The following PPA2 variants were observed in gnomAD, a reference collection of about 807,000 sequenced individuals.
The protein encoded by PPA2 is inorganic pyrophosphatase 2, mitochondrial.
Under a neutral mutation model 49.5 loss-of-function variants are expected in PPA2, and 48 were observed. The observed-to-expected ratio is 0.97, with a 90% CI of 0.77 to 1.23. The LOEUF is 1.23. Among genes scored for constraint, PPA2 ranks in the 50% most tolerant of loss-of-function variants. The pLI is 0.00. For missense variants in PPA2, 429 were observed against 410.1 expected (o/e 1.05, Z -0.40); for synonymous variants, 131 against 139.9 (o/e 0.94, Z 0.45).
intron 7 of PPA2, among the ~76,000 whole-genome samples, chr4:105,402,158 G>A (rs1429639532): frequency 6.6e-6 from 1 of 152,058 alleles, no homozygotes; most frequent in African/African-American, 2.4e-5. Flanking sequence ...CCTAATCCCA[G>A]CTACTTGGGA....
chr4:105,443,664 C>G (rs1213163303), intron 5 of PPA2, among the ~76,000 whole-genome samples: 1 of 151,684 alleles, frequency 6.6e-6, no homozygotes, highest in Non-Finnish European at 1.5e-5. Context: ...TTCTCTCTCT[C>G]TCTCCAAGAT....
At chr4:105,405,652 C>CA in intron 7 of PPA2, 1 of 1,012,832 alleles carries the variant, frequency 9.9e-7, no homozygotes, top group Non-Finnish European at 1.2e-6. Flanking sequence ...TCGGAAAAAA[C>CA]AGAGACCTTT....
At chr4:105,369,840 TAGGA>T in intron 11 of PPA2, 87 bp from the exon 12 acceptor site, 2 of 1,267,134 alleles carry the variant, frequency 1.6e-6, no homozygotes, top group Admixed American at 3.4e-5. Flanking sequence ...TTTCGACTTT[TAGGA>T]AGTATTTAGG....
intron 7 of PPA2, among the ~76,000 whole-genome samples, chr4:105,401,156 CATAG>C (rs1734348728): frequency 6.6e-6 from 1 of 152,028 alleles, no homozygotes; most frequent in Non-Finnish European, 1.5e-5. Context: ...GAAAAGCATA[CATAG>C]ATATATATAA....
At chr4:105,409,794 C>G (rs1187131991) in intron 7 of PPA2, among the ~76,000 whole-genome samples, 3 of 152,202 alleles carry the variant, frequency 2.0e-5, no homozygotes, top group Non-Finnish European at 4.4e-5. Context: ...GGGCCTCCAG[C>G]AAATTCCAAC....
intron 7 of PPA2, among the ~76,000 whole-genome samples, chr4:105,420,813 T>C (rs906624373): frequency 6.6e-6 from 1 of 152,232 alleles, no homozygotes; most frequent in African/African-American, 2.4e-5. Flanking sequence ...CCGCAGGTGA[T>C]AGCTATGCAG....
intron 6 of PPA2, among the ~76,000 whole-genome samples, chr4:105,426,969 C>T (rs989023617): frequency 1.3e-5 from 2 of 152,214 alleles, no homozygotes; most frequent in Non-Finnish European, 2.9e-5. Flanking sequence ...ACAGACACCT[C>T]ATATAGATAG....
chr4:105,380,455 A>AT (rs1463073764), intron 10 of PPA2, among the ~76,000 whole-genome samples: 1 of 152,090 alleles, frequency 6.6e-6, no homozygotes, highest in African/African-American at 2.4e-5. Flanking sequence ...GGCTTCATTA[A>AT]TTTTTTTAAA....
At chr4:105,447,380 G>A (rs1042260218) in intron 4 of PPA2, among the ~76,000 whole-genome samples, 3 of 152,106 alleles carry the variant, frequency 2.0e-5, no homozygotes, top group Non-Finnish European at 4.4e-5. Flanking sequence ...AGTTACAGAG[G>A]CTAAGGGTAG....
intron 2 of PPA2, chr4:105,456,358 A>T (rs1259613495): frequency 6.9e-6 from 3 of 431,906 alleles, no homozygotes; most frequent in African/African-American, 2.1e-5. Context: ...GCTAGCAAAT[A>T]AAAAATAATC....
intron 6 of PPA2, among the ~76,000 whole-genome samples, chr4:105,433,964 G>C (rs772311425): frequency 6.6e-6 from 1 of 152,182 alleles, no homozygotes. Context: ...AGAGAAGGGC[G>C]TTTAGCTGTG....
At chr4:105,421,662 A>G (rs1723259400) in intron 7 of PPA2, among the ~76,000 whole-genome samples, 2 of 152,204 alleles carry the variant, frequency 1.3e-5, no homozygotes, top group Non-Finnish European at 2.9e-5. Flanking sequence ...TCTGTAAAGT[A>G]AAGAAGAAAA....
At chr4:105,460,389 C>T (rs971241320) in intron 1 of PPA2, among the ~76,000 whole-genome samples, 7 of 151,474 alleles carry the variant, frequency 4.6e-5, no homozygotes, top group African/African-American at 1.2e-4. Context: ...GTAAATACTA[C>T]GCCATTTTAC....
At chr4:105,383,506 T>C (rs1334683984) in intron 10 of PPA2, among the ~76,000 whole-genome samples, 2 of 152,202 alleles carry the variant, frequency 1.3e-5, no homozygotes, top group African/African-American at 4.8e-5. Context: ...ACCCAGCATA[T>C]ACTTCCTCCA....
chr4:105,420,471 A>G (rs2713826), intron 7 of PPA2, among the ~76,000 whole-genome samples: 16,448 of 152,024 alleles, frequency 0.11, 1,404 homozygotes, highest in East Asian at 0.43. Flanking sequence ...ATCTCTATAT[A>G]CTCCTATATT....
chr4:105,409,277 C>T (rs957342454), intron 7 of PPA2, among the ~76,000 whole-genome samples: 3 of 152,336 alleles, frequency 2.0e-5, no homozygotes, highest in Admixed American at 6.5e-5. Flanking sequence ...GGTCCCACAC[C>T]CACGGAGCCT....
At chr4:105,459,724 A>G (rs1197275218) in intron 1 of PPA2, among the ~76,000 whole-genome samples, 2 of 152,268 alleles carry the variant, frequency 1.3e-5, no homozygotes, top group Non-Finnish European at 2.9e-5. Context: ...ATCAATGTTT[A>G]TTAATTATTC....
In PPA2 at chr4:105,369,718, G is replaced by A. The variant is rs1732946619; in HGVS notation, c.*7C>T. ...GAATCTTGACAGCAGAATTTCAGATGTTTCAATCACTTGCCAAGGAAGTGC... is the reference window on the plus strand; with the variant it reads ...GAATCTTGACAGCAGAATTTCAGATATTTCAATCACTTGCCAAGGAAGTGC... On this transcript the variant is annotated 3_prime_UTR_variant, in exon 12 of 12. Transcript: ENST00000341695. The A allele has an allele frequency of 6.3e-7, 1 of 1,584,248 alleles. No individual in the cohort carries two copies. Among genetic ancestry groups the A allele is most frequent in the East Asian group, 2.2e-5 (1 of 44,686 alleles).
chr4:105,462,362 G>A (rs569272317), intron 1 of PPA2, among the ~76,000 whole-genome samples: 6 of 152,280 alleles, frequency 3.9e-5, no homozygotes, highest in African/African-American at 1.4e-4. Flanking sequence ...TTGCCAATTT[G>A]CTTTTTAAAA....
Sources: gnomAD v4.1 joint callset for allele counts (sites outside exome capture counted in the v4.1 genomes callset) on GRCh38, gnomAD v4.1.1 for gene constraint, MANE v1.5 for transcripts, NCBI Gene and HGNC (gene_info 2026-07-23, HGNC 2026-07-21) for gene names.